The following CENPW variants were observed in gnomAD, a reference collection of about 807,000 sequenced individuals.
CENPW encodes the protein cancer-up-regulated gene 2 protein.
Under a neutral mutation model 11.1 loss-of-function variants are expected in CENPW, and 3 were observed. The ratio of observed to expected loss-of-function variants is 0.27; its 90% confidence interval spans 0.12 to 0.70. The LOEUF (loss-of-function observed/expected upper bound fraction) is 0.70. CENPW is among the 30% of genes least tolerant of loss of function. The probability of loss-of-function intolerance (pLI) is 0.77; values close to 1 mark genes in which losing one functional copy is unlikely to be tolerated. For missense variants in CENPW, 100 were observed against 105.6 expected (o/e 0.95, Z 0.23); for synonymous variants, 38 against 42.0 (o/e 0.91, Z 0.37).
Position 126,340,202 on chromosome 6 carries a change from A to G in CENPW, c.-72A>G, listed in dbSNP as rs916907796. 7 of 1,425,912 alleles carry G rather than the reference A, an allele frequency of 4.9e-6. No homozygotes were observed. The highest frequency in any genetic ancestry group is 2.8e-5 in the African/African-American group (2 of 70,590). The allele number at this position is 1,425,912 out of a possible 1,614,324, so 88.3% of individuals were successfully genotyped here. On this transcript the variant is annotated 5_prime_UTR_variant, in exon 1 of 3. Transcript: ENST00000368328. ...CGGACCGGATTGTTTTCGCTGGCCC[A>G]GTGTCCCCGGAGCTTGTGTGCGATA...
At chr6:126,340,561 T>C (rs1780283777) in intron 1 of CENPW, 162 bp downstream of exon 1, 14 of 958,500 alleles carry the variant, frequency 1.5e-5, no homozygotes, top group South Asian at 9.9e-5. Context: ...CACCCTGGCA[T>C]GTCAGTTCAT....
intron 2 of CENPW, among the ~76,000 whole-genome samples, chr6:126,346,876 T>C (rs536894078): frequency 6.6e-6 from 1 of 152,290 alleles, no homozygotes; most frequent in Non-Finnish European, 1.5e-5. Context: ...AACTTTGTTT[T>C]GGCAGAGGTT....
At chr6:126,451,936 C>T in the CENPW span, among the ~76,000 whole-genome samples, 1 of 150,662 alleles carries the variant, frequency 6.6e-6, no homozygotes, top group Non-Finnish European at 1.5e-5. Context: ...TGGATCTGAT[C>T]CTAATAACTA....
the CENPW span, among the ~76,000 whole-genome samples, chr6:126,418,405 A>AT: frequency 1.1e-4 from 16 of 152,350 alleles, no homozygotes; most frequent in East Asian, 3.1e-3. Context: ...CACTGGGAAT[A>AT]TTTTCAGCAA....
chr6:126,418,163 C>T, the CENPW span, among the ~76,000 whole-genome samples: 2,330 of 152,210 alleles, frequency 0.015, 25 homozygotes, highest in Non-Finnish European at 0.022. Context: ...TAAAATGGTG[C>T]GTCTACTTTG....
At chr6:126,476,381 C>G in the CENPW span, among the ~76,000 whole-genome samples, 1 of 151,892 alleles carries the variant, frequency 6.6e-6, no homozygotes, top group Non-Finnish European at 1.5e-5. Context: ...TATTAGTGAT[C>G]AATTTTCTAA....
the CENPW span, among the ~76,000 whole-genome samples, chr6:126,432,617 C>G: frequency 6.6e-6 from 1 of 152,156 alleles, no homozygotes. Context: ...CTTAGTACCA[C>G]TCCTGCTCAC....
the CENPW span, among the ~76,000 whole-genome samples, chr6:126,372,217 T>G: frequency 6.6e-6 from 1 of 152,150 alleles, no homozygotes; most frequent in East Asian, 1.9e-4. Flanking sequence ...TGTTTCTTTC[T>G]CAGACTGGGT....
the CENPW span, among the ~76,000 whole-genome samples, chr6:126,387,164 C>G: frequency 5.3e-5 from 8 of 151,878 alleles, no homozygotes; most frequent in South Asian, 1.7e-3. Context: ...TTCTACTTTT[C>G]ACTGAGAACT....
At chr6:126,456,956 A>C in the CENPW span, among the ~76,000 whole-genome samples, 1 of 150,756 alleles carries the variant, frequency 6.6e-6, no homozygotes, top group Non-Finnish European at 1.5e-5. Context: ...GCTATACACC[A>C]CTAATTTGAG....
At chr6:126,358,129 T>C in the CENPW span, among the ~76,000 whole-genome samples, 1 of 152,218 alleles carries the variant, frequency 6.6e-6, no homozygotes, top group Non-Finnish European at 1.5e-5. Flanking sequence ...GTCTTTAGGG[T>C]TTTCCAGGTA....
chr6:126,477,943 T>C, the CENPW span, among the ~76,000 whole-genome samples: 2 of 152,016 alleles, frequency 1.3e-5, no homozygotes, highest in Non-Finnish European at 2.9e-5. Flanking sequence ...CATCTGCAGA[T>C]GAACAGTGAT....
chr6:126,379,287 T>C, the CENPW span, among the ~76,000 whole-genome samples: 4 of 152,170 alleles, frequency 2.6e-5, no homozygotes, highest in Non-Finnish European at 1.5e-5. Context: ...AATTGTTTCT[T>C]TTATTAAGAA....
chr6:126,431,811 A>G, the CENPW span, among the ~76,000 whole-genome samples: 1 of 152,072 alleles, frequency 6.6e-6, no homozygotes, highest in Non-Finnish European at 1.5e-5. Context: ...TCACGCCTGT[A>G]GTCCCACCAC....
the CENPW span, among the ~76,000 whole-genome samples, chr6:126,480,539 C>A: frequency 6.6e-6 from 1 of 151,878 alleles, no homozygotes; most frequent in Non-Finnish European, 1.5e-5. Flanking sequence ...AAATGCTGAG[C>A]TTTTTAGAAT....
the CENPW span, among the ~76,000 whole-genome samples, chr6:126,410,383 T>C: frequency 1.3e-5 from 2 of 152,048 alleles, no homozygotes; most frequent in Admixed American, 6.5e-5. Context: ...AGGATTTCCT[T>C]ATATATGAAT....
chr6:126,376,776 C>CA, the CENPW span, among the ~76,000 whole-genome samples: 1 of 151,848 alleles, frequency 6.6e-6, no homozygotes, highest in East Asian at 1.9e-4. Context: ...GATTTGGCAC[C>CA]AAAAAAAGTG....
the CENPW span, among the ~76,000 whole-genome samples, chr6:126,457,393 G>T: frequency 6.6e-6 from 1 of 151,318 alleles, no homozygotes; most frequent in Non-Finnish European, 1.5e-5. Context: ...AAAAATGAAC[G>T]AGATCACGTC....
the CENPW span, among the ~76,000 whole-genome samples, chr6:126,429,395 G>C: frequency 6.6e-6 from 1 of 152,120 alleles, no homozygotes; most frequent in African/African-American, 2.4e-5. Flanking sequence ...TTTGGGTCTT[G>C]GGGGTGGATT....
Sources: gnomAD v4.1 joint callset for allele counts (sites outside exome capture counted in the v4.1 genomes callset) on GRCh38, gnomAD v4.1.1 for gene constraint, MANE v1.5 for transcripts, NCBI Gene and HGNC (gene_info 2026-07-23, HGNC 2026-07-21) for gene names.